The following TMEM132D variants were observed in gnomAD, a reference collection of about 807,000 sequenced individuals.
TMEM132D encodes the protein transmembrane protein 132D.
In TMEM132D, 21 loss-of-function variants were observed where a neutral mutation model predicts 62.3. The ratio of observed to expected loss-of-function variants is 0.34; its 90% CI spans 0.24 to 0.49. The LOEUF (loss-of-function observed/expected upper bound fraction) is 0.49. Ranked by LOEUF, TMEM132D falls within the 20% of genes least tolerant of loss-of-function variation. The probability of loss-of-function intolerance (pLI) is 0.99; values close to 1 mark genes in which losing one functional copy is unlikely to be tolerated. For synonymous variants in TMEM132D, 621 were observed against 575.6 expected, an observed-to-expected ratio of 1.08 and a Z score of -1.13; for missense variants, 1,346 against 1,402.8, an observed-to-expected ratio of 0.96 and a Z score of 0.65.
chr12:129,490,560 C>G (rs1365456260), intron 3 of TMEM132D, among the ~76,000 whole-genome samples: 1 of 141,936 alleles, frequency 7.0e-6, no homozygotes, highest in Non-Finnish European at 1.5e-5. Flanking sequence ...TCCCGAGTAG[C>G]TGGGACTACA....
At chr12:129,572,346 C>A (rs1284826308) in intron 2 of TMEM132D, among the ~76,000 whole-genome samples, 3 of 152,236 alleles carry the variant, frequency 2.0e-5, no homozygotes, top group Non-Finnish European at 4.4e-5. Context: ...CTGGACGGTG[C>A]CCGGTGTCCC....
At chr12:129,547,210 C>T (rs540446477) in intron 2 of TMEM132D, among the ~76,000 whole-genome samples, 1 of 152,274 alleles carries the variant, frequency 6.6e-6, no homozygotes, top group Admixed American at 6.5e-5. Flanking sequence ...AGCTCCCTTC[C>T]AGCATGTCTG....
intron 1 of TMEM132D, among the ~76,000 whole-genome samples, chr12:129,702,418 T>A (rs1437189565): frequency 1.3e-5 from 2 of 152,248 alleles, no homozygotes; most frequent in African/African-American, 2.4e-5. Context: ...TCCTGATTGA[T>A]ATTATCTCTA....
At chr12:129,147,781 T>C (rs1007228084) in intron 5 of TMEM132D, among the ~76,000 whole-genome samples, 12 of 152,244 alleles carry the variant, frequency 7.9e-5, no homozygotes, top group African/African-American at 2.9e-4. Context: ...CTGTAGTTGC[T>C]ATTTATTTTT....
chr12:129,327,642 G>A (rs1868959067), intron 4 of TMEM132D, among the ~76,000 whole-genome samples: 1 of 152,094 alleles, frequency 6.6e-6, no homozygotes, highest in South Asian at 2.1e-4. Context: ...AAGTGCTGGT[G>A]CTATACTTAG....
intron 2 of TMEM132D, among the ~76,000 whole-genome samples, chr12:129,543,836 C>T (rs1026694806): frequency 1.3e-5 from 2 of 152,204 alleles, no homozygotes; most frequent in Non-Finnish European, 2.9e-5. Flanking sequence ...TTTTTCTACA[C>T]ATACTAATCC....
intron 4 of TMEM132D, among the ~76,000 whole-genome samples, chr12:129,305,639 C>T (rs183406423): frequency 7.9e-5 from 12 of 152,302 alleles, no homozygotes; most frequent in Admixed American, 2.6e-4. Flanking sequence ...TGAAAGGCTA[C>T]ATGCTATGAA....
chr12:129,852,395 T>C (rs1873571733), intron 1 of TMEM132D: 1 of 151,944 alleles, frequency 6.6e-6, no homozygotes, highest in Admixed American at 6.6e-5. Flanking sequence ...AATACAAAAA[T>C]TAGCTGGGCT....
chr12:129,714,020 G>A (rs74346160), intron 1 of TMEM132D, among the ~76,000 whole-genome samples: 2,157 of 152,294 alleles, frequency 0.014, 59 homozygotes, highest in African/African-American at 0.049. Flanking sequence ...CAAAGTCCAC[G>A]GGAGGAAGCA....
chr12:129,678,828 T>G lies in TMEM132D; in HGVS notation c.968+20982A>C, dbSNP rs1040269893. On this transcript the variant is annotated intron_variant, in intron 2 of 8. Coordinates refer to ENST00000422113, the MANE Select transcript of TMEM132D (RefSeq NM_133448.3). ...TGGCATGAAGCAGGAATCTCATCCCTTTTTTCTCATTTGGATAATTAGTAC... is the reference window on the plus strand; with the variant it reads ...TGGCATGAAGCAGGAATCTCATCCCGTTTTTCTCATTTGGATAATTAGTAC... 4.6e-5 allele frequency among the ~76,000 whole-genome samples: 7 copies of G among 152,068 alleles called. No homozygotes were observed. The South Asian group carries it at 6.2e-4, about 13-fold the overall frequency.
At chr12:129,577,314 C>T (rs1295634369) in intron 2 of TMEM132D, among the ~76,000 whole-genome samples, 1 of 151,568 alleles carries the variant, frequency 6.6e-6, no homozygotes, top group Admixed American at 6.6e-5. Context: ...GCAGTGTATG[C>T]TGCAGTTAAC....
chr12:129,314,951 C>T (rs1391258234), intron 4 of TMEM132D, among the ~76,000 whole-genome samples: 1 of 151,950 alleles, frequency 6.6e-6, no homozygotes, highest in Non-Finnish European at 1.5e-5. Context: ...CACTTGGTTG[C>T]TGTTGGTGTA....
At chr12:129,324,755 G>A (rs1868844067) in intron 4 of TMEM132D, among the ~76,000 whole-genome samples, 1 of 152,118 alleles carries the variant, frequency 6.6e-6, no homozygotes, top group South Asian at 2.1e-4. Context: ...TTGAACCTGG[G>A]AGGCAGAGGT....
intron 1 of TMEM132D, among the ~76,000 whole-genome samples, chr12:129,836,673 A>C (rs936060172): frequency 1.3e-5 from 2 of 152,140 alleles, no homozygotes; most frequent in South Asian, 4.1e-4. Flanking sequence ...TTCTATGTGC[A>C]TAAAATAAAC....
At position 129,861,178 on chromosome 12, in the gene TMEM132D, T is replaced by C. The variant is rs536686500; in HGVS notation, c.79+42083A>G. On this transcript the variant is annotated intron_variant, in intron 1 of 8. Transcript: ENST00000422113. ...ATGAAAAATGCTCTGCCTTGCAGAG[T>C]TGAAACCACTTTTGCAAACATTTTA... is the stretch of plus-strand genomic sequence containing the variant. 7.9e-5 allele frequency among the ~76,000 whole-genome samples: 12 copies of C among 152,246 alleles called. No individual in the cohort carries two copies. In the East Asian group the frequency reaches 2.3e-3, roughly 29 times the overall value.
intron 5 of TMEM132D, among the ~76,000 whole-genome samples, chr12:129,206,865 C>T (rs1002600941): frequency 5.9e-5 from 9 of 152,076 alleles, no homozygotes; most frequent in Admixed American, 1.3e-4. Context: ...CCAAATACTC[C>T]ATGTTCTTGC....
intron 5 of TMEM132D, among the ~76,000 whole-genome samples, chr12:129,106,273 G>C (rs1381269071): frequency 5.3e-5 from 7 of 130,942 alleles, no homozygotes; most frequent in Admixed American, 3.2e-4. Flanking sequence ...GTTGTGGGAG[G>C]GCGGAGGGGG....
At chr12:129,475,738 G>A (rs998807025) in intron 3 of TMEM132D, among the ~76,000 whole-genome samples, 2 of 152,180 alleles carry the variant, frequency 1.3e-5, no homozygotes, top group South Asian at 2.1e-4. Flanking sequence ...CTCTGCAGGC[G>A]TCCAGCAGAG....
rs1251513354 is a variant in TMEM132D at position 129,903,629 on chromosome 12, G to C, written c.-290C>G. 4.8e-6 allele frequency: 2 copies of C among 417,628 alleles called. No individual in the cohort carries two copies. Among genetic ancestry groups the C allele is most frequent in the Non-Finnish European group, 8.6e-6 (2 of 232,114 alleles). The allele number at this position is 417,628 out of a possible 1,614,324, so 25.9% of individuals were successfully genotyped here. On this transcript the variant is annotated 5_prime_UTR_variant, in exon 1 of 9. Coordinates refer to ENST00000422113, the MANE Select transcript of TMEM132D (RefSeq NM_133448.3). This position sits in a 1 kb window ranked among gnomAD's most constrained non-coding sequence, Gnocchi z 6.2. ...ATTTTTTTTAAATTTTAATCCACAGGGGGTATTTCCTTTCCTGTTTACCCG... is the reference window on the plus strand; with the variant it reads ...ATTTTTTTTAAATTTTAATCCACAGCGGGTATTTCCTTTCCTGTTTACCCG...
Sources: allele counts gnomAD v4.1 joint callset (sites outside exome capture counted in the v4.1 genomes callset), GRCh38; gene constraint gnomAD v4.1.1; non-coding constraint Gnocchi (gnomAD v3.1); transcripts MANE v1.5; gene names NCBI Gene and HGNC (gene_info 2026-07-23, HGNC 2026-07-21).